The following HAAO variants were observed in gnomAD, a reference collection of about 807,000 sequenced individuals.
HAAO encodes 3-hydroxyanthranilate oxygenase.
A neutral mutation model predicts 46.2 loss-of-function variants in HAAO; 49 were observed. The observed-to-expected ratio is 1.06, with a 90% confidence interval of 0.84 to 1.34. The LOEUF (loss-of-function observed/expected upper bound fraction) is 1.34. Among genes scored for constraint, HAAO ranks in the 40% most tolerant of loss-of-function variants. The pLI, the probability that HAAO is intolerant of heterozygous loss-of-function variation, is 0.00. For missense variants in HAAO, 408 were observed against 364.5 expected (o/e 1.12, Z -0.97); for synonymous variants, 157 against 145.2 (o/e 1.08, Z -0.58).
At position 42,767,887 on chromosome 2, in the gene HAAO, C is replaced by T. The variant is rs547765342; in HGVS notation, c.672G>A (p.Gln224=). Reference sequence around the variant, plus strand: ...GCTGCCACAGCCACACGTCCACATTCTGTCTCAGGCCTTCGCTGCTGCCTT... The same window carrying T: ...GCTGCCACAGCCACACGTCCACATTTTGTCTCAGGCCTTCGCTGCTGCCTT... ...YGQGSSEGLR[Q]NVDVWLWQLE... Residue 224 remains glutamine (Q), a synonymous_variant, in exon 8 of 10, where the codon CAG becomes CAA. Transcript: ENST00000294973. The T allele has an allele frequency of 6.2e-7, 1 of 1,614,098 alleles. No individual in the cohort carries two copies. The highest frequency in any genetic ancestry group is 1.7e-5 in the Admixed American group (1 of 60,024).
At chr2:42,786,743 G>C (rs942415903) in intron 2 of HAAO, among the ~76,000 whole-genome samples, 1 of 152,224 alleles carries the variant, frequency 6.6e-6, no homozygotes, top group African/African-American at 2.4e-5. Context: ...TAGGTGGTAG[G>C]TGGCGCTGGG....
Position 42,769,733 on chromosome 2 carries a change from C to T in HAAO, c.610G>A (p.Gly204Arg). 6.2e-7 allele frequency: 1 copy of T among 1,612,800 alleles called. No individual in the cohort carries two copies. The highest frequency in any genetic ancestry group is 8.5e-7 in the Non-Finnish European group (1 of 1,179,382). The change falls in exon 7 of 10, where the codon GGG becomes AGG. Residue 204 changes from glycine to arginine, a missense_variant. Coordinates refer to ENST00000294973, the MANE Select transcript of HAAO (RefSeq NM_012205.3). ...LQAGTPLSLF[G>R]DTYETQVIAY... ...ATTACCTGGGTCTCATAGGTGTCCC[C>T]AAACAGGCTGAGTGGTGTGCCTGCC... is the stretch of plus-strand genomic sequence containing the variant.
rs895986299 is a variant in HAAO, at chr2:42,770,323, T to C, written c.441-137A>G. On this transcript the variant is annotated intron_variant, in intron 5 of 9. Transcript: ENST00000294973. The stretch of plus-strand genomic sequence containing the variant: ...TGGGGCTCTCACACAGCTGTGTGTC[T>C]GCCATCCTTTCCCTCCCAGCGGGGC... 6.3e-5 allele frequency: 55 copies of C among 875,292 alleles called. No individual in the cohort carries two copies. In the African/African-American group the frequency reaches 9.2e-4, roughly 15 times the overall value. The allele number at this position is 875,292 out of a possible 1,614,324, so 54.2% of individuals were successfully genotyped here.
At chr2:42,783,715 T>A in intron 3 of HAAO, 69 bp downstream of exon 3, 1 of 1,340,206 alleles carries the variant, frequency 7.5e-7, no homozygotes, top group South Asian at 1.2e-5. Context: ...AGGGCCAGGA[T>A]GAGTGGACAG....
intron 2 of HAAO, among the ~76,000 whole-genome samples, chr2:42,786,585 T>C (rs942299304): frequency 6.6e-6 from 1 of 152,180 alleles, no homozygotes; most frequent in African/African-American, 2.4e-5. Context: ...CATGTGCTTA[T>C]GGAAACAGGC....
intron 4 of HAAO, among the ~76,000 whole-genome samples, chr2:42,772,084 A>G (rs2104642223): frequency 6.6e-6 from 1 of 152,362 alleles, no homozygotes; most frequent in Admixed American, 6.5e-5. Context: ...CCCTTGTGAC[A>G]AATTTTTTCT....
intron 2 of HAAO, among the ~76,000 whole-genome samples, chr2:42,787,931 C>T (rs1270342346): frequency 6.6e-6 from 1 of 152,066 alleles, no homozygotes; most frequent in Non-Finnish European, 1.5e-5. Flanking sequence ...AGGCAAATTC[C>T]CCCTCCCACC....
intron 4 of HAAO, among the ~76,000 whole-genome samples, chr2:42,771,389 C>T (rs1034448865): frequency 8.6e-5 from 13 of 151,096 alleles, no homozygotes; most frequent in East Asian, 3.9e-4. Flanking sequence ...ATTGCACCGC[C>T]GCATTCCAGC....
rs1370252413 is a variant in HAAO, at chr2:42,782,709, C to T, written c.350+605G>A. Reference sequence around the variant, plus strand: ...GGCATAAATGCATATCTGATTGCCTCCTTTGGAGAGGCTAATCAGAAACTC... The same window carrying T: ...GGCATAAATGCATATCTGATTGCCTTCTTTGGAGAGGCTAATCAGAAACTC... On this transcript the variant is annotated intron_variant, in intron 4 of 9. Coordinates refer to ENST00000294973, the MANE Select transcript of HAAO (RefSeq NM_012205.3). 1.2e-5 allele frequency: 3 copies of T among 256,686 alleles called. No individual in the cohort carries two copies. The Admixed American group carries it at 1.5e-4, about 13-fold the overall frequency. 15.9% of individuals were successfully genotyped at this position (256,686 alleles called of 1,614,324 possible). A position where few individuals can be genotyped will look rare whatever the true frequency, so the allele number is the denominator to read the frequency against.
intron 4 of HAAO, among the ~76,000 whole-genome samples, chr2:42,776,874 C>T (rs575007016): frequency 6.6e-6 from 1 of 151,512 alleles, no homozygotes; most frequent in African/African-American, 2.4e-5. Flanking sequence ...CCTCATGATC[C>T]GCCTACCTCA....
chr2:42,767,727 C>T, intron 8 of HAAO, 50 bp from the exon 9 acceptor site: 1 of 1,552,060 alleles, frequency 6.4e-7, no homozygotes, highest in South Asian at 1.1e-5. Flanking sequence ...GGCCTCATCA[C>T]CTGGGTGAAT....
chr2:42,770,915 T>C (rs1225197640), intron 4 of HAAO, among the ~76,000 whole-genome samples: 2 of 152,228 alleles, frequency 1.3e-5, no homozygotes, highest in Non-Finnish European at 2.9e-5. Context: ...AGCCTGTAAG[T>C]GGCGGAAGCA....
intron 4 of HAAO, among the ~76,000 whole-genome samples, chr2:42,782,248 C>G (rs891979183): frequency 6.6e-6 from 1 of 152,170 alleles, no homozygotes; most frequent in African/African-American, 2.4e-5. Context: ...AAGAAAATGT[C>G]AGCAACCAAT....
chr2:42,770,596 G>C lies in HAAO; in HGVS notation c.351-14C>G, dbSNP rs370559714. 15 of 1,534,468 alleles carry C rather than the reference G, an allele frequency of 9.8e-6. No individual in the cohort carries two copies. The highest frequency in any genetic ancestry group is 1.3e-5 in the Non-Finnish European group (15 of 1,134,578). ...CCCACATAGTACCTGCCAGAGCAGA[G>C]GACAGGCAACCCTGCTGTCCCCATC... On this transcript the variant is annotated splice_polypyrimidine_tract_variant and intron_variant, in intron 4 of 9. Coordinates refer to ENST00000294973, the MANE Select transcript of HAAO (RefSeq NM_012205.3).
At chr2:42,771,395 C>A (rs539066008) in intron 4 of HAAO, among the ~76,000 whole-genome samples, 1 of 150,772 alleles carries the variant, frequency 6.6e-6, no homozygotes, top group African/African-American at 2.4e-5. Flanking sequence ...CCGCCGCATT[C>A]CAGCCTGGGT....
intron 3 of HAAO, 114 bp from the exon 4 acceptor site, chr2:42,783,534 T>TGACA: frequency 1.4e-6 from 1 of 717,544 alleles, no homozygotes; most frequent in South Asian, 1.7e-5. Context: ...GGGGTACTGC[T>TGACA]TGTCTACCCT....
chr2:42,778,597 G>C (rs1054042243), intron 4 of HAAO, among the ~76,000 whole-genome samples: 1 of 152,126 alleles, frequency 6.6e-6, no homozygotes, highest in African/African-American at 2.4e-5. Context: ...CAAAGTGCTG[G>C]AATTACAGGC....
At position 42,767,176 on chromosome 2, in the gene HAAO, G is replaced by A. The variant is rs1670724559; in HGVS notation, c.*261C>T. The A allele has an allele frequency of 3.1e-5, 18 of 578,586 alleles. No homozygotes were observed. The highest frequency in any genetic ancestry group is 1.8e-4 in the South Asian group (9 of 50,616). 35.8% of individuals were successfully genotyped at this position (578,586 alleles called of 1,614,324 possible). A position where few individuals can be genotyped will look rare whatever the true frequency, so the allele number is the denominator to read the frequency against. ...CAGGGACAGAGGAATGGGCAGGAGC[G>A]GGGCCGGGGGTAGACCACCTGGCAA... On this transcript the variant is annotated 3_prime_UTR_variant, in exon 10 of 10. Transcript: ENST00000294973.
intron 1 of HAAO, among the ~76,000 whole-genome samples, chr2:42,791,163 C>T (rs2104674438): frequency 6.6e-6 from 1 of 152,270 alleles, no homozygotes; most frequent in Non-Finnish European, 1.5e-5. Context: ...GCCCCTGATC[C>T]AATATGTCTG....
Sources: allele counts gnomAD v4.1 joint callset (sites outside exome capture counted in the v4.1 genomes callset), GRCh38; gene constraint gnomAD v4.1.1; transcripts MANE v1.5; gene names NCBI Gene and HGNC (gene_info 2026-07-23, HGNC 2026-07-21).